The following LGMN variants were observed in gnomAD, a reference collection of about 807,000 sequenced individuals.
The protein encoded by LGMN is asparaginyl endopeptidase.
Under a neutral mutation model 56.8 loss-of-function variants are expected in LGMN, and 36 were observed. The observed-to-expected ratio is 0.63, with a 90% CI of 0.49 to 0.84. LGMN has a LOEUF of 0.84. Ranked by LOEUF, LGMN falls within the 40% of genes least tolerant of loss-of-function variation. LGMN has a pLI of 0.00. For missense variants in LGMN, 446 were observed against 556.1 expected, an observed-to-expected ratio of 0.80 and a Z score of 1.99; for synonymous variants, 199 against 210.1, an observed-to-expected ratio of 0.95 and a Z score of 0.46.
In LGMN at chr14:92,744,278, G is replaced by T. The variant is rs138521181; in HGVS notation, c.-30+4211C>A. Among the ~76,000 whole-genome samples the T allele has an allele frequency of 7.2e-5, 11 of 152,266 alleles. No individual in the cohort carries two copies. In the East Asian group the frequency reaches 2.1e-3, roughly 29 times the overall value. Reference sequence around the variant, plus strand: ...TCTAGATTAGAGCATACTCTTCACGGTTATCTAATTCTAATTTATAGGAGT... The same window carrying T: ...TCTAGATTAGAGCATACTCTTCACGTTTATCTAATTCTAATTTATAGGAGT... On this transcript the variant is annotated intron_variant, in intron 1 of 13. Transcript: ENST00000334869.
At chr14:92,713,975 ACT>A (rs1289835719) in intron 6 of LGMN, 90 bp from the exon 7 acceptor site, 8 of 937,178 alleles carry the variant, frequency 8.5e-6, no homozygotes, top group Non-Finnish European at 8.8e-6. Flanking sequence ...TCCTTCATAA[ACT>A]CTTTTCTACC....
chr14:92,714,923 A>C lies in LGMN; in HGVS notation c.405-472T>G, dbSNP rs1201595909. ...GCTTCCACCAGATGGCGCTGCTTCAAAGTGGCAGAGATGTAGTAACTTACA... is the reference window on the plus strand; with the variant it reads ...GCTTCCACCAGATGGCGCTGCTTCACAGTGGCAGAGATGTAGTAACTTACA... On this transcript the variant is annotated intron_variant, in intron 5 of 13. Transcript: ENST00000334869. This position sits in a 1 kb window ranked among gnomAD's most constrained non-coding sequence, Gnocchi z 5.1. 1.3e-5 allele frequency among the ~76,000 whole-genome samples: 2 copies of C among 152,104 alleles called. No individual in the cohort carries two copies. Among genetic ancestry groups the C allele is most frequent in the Non-Finnish European group, 1.5e-5 (1 of 68,022 alleles).
intron 1 of LGMN, among the ~76,000 whole-genome samples, chr14:92,739,291 CAAA>C (rs1430402405): frequency 6.6e-6 from 1 of 152,062 alleles, no homozygotes; most frequent in African/African-American, 2.4e-5. Flanking sequence ...GAAAAACTGA[CAAA>C]AAAGTGAACG....
In LGMN at chr14:92,735,364, G is replaced by A. The variant is rs562581994; in HGVS notation, c.-29-2549C>T. On this transcript the variant is annotated intron_variant, in intron 1 of 13. Transcript: ENST00000334869. ...TGAGATTACAGGTGCCCACCACCATGCCCAGCTAATTTTTGTATTTTTAGT... is the reference window on the plus strand; with the variant it reads ...TGAGATTACAGGTGCCCACCACCATACCCAGCTAATTTTTGTATTTTTAGT... 3.0e-3 allele frequency among the ~76,000 whole-genome samples: 452 copies of A among 152,224 alleles called. 3 individuals are homozygous for A. The highest frequency in any genetic ancestry group is 0.01 in the African/African-American group (435 of 41,530).
At chr14:92,718,436 T>C (rs1477169174) in intron 3 of LGMN, among the ~76,000 whole-genome samples, 1 of 152,170 alleles carries the variant, frequency 6.6e-6, no homozygotes, top group Non-Finnish European at 1.5e-5. Flanking sequence ...TAGCTGGGCA[T>C]GGCAGTGCAC....
intron 1 of LGMN, among the ~76,000 whole-genome samples, chr14:92,737,781 A>G (rs1220942874): frequency 6.6e-6 from 1 of 152,254 alleles, no homozygotes. Flanking sequence ...GACAATATAT[A>G]AACAAAAGAA....
At chr14:92,723,493 C>CAA (rs1890587457) in intron 2 of LGMN, among the ~76,000 whole-genome samples, 1 of 152,180 alleles carries the variant, frequency 6.6e-6, no homozygotes, top group African/African-American at 2.4e-5. Flanking sequence ...AATGGGCAGG[C>CAA]AAAACGTGGT....
chr14:92,713,331 C>T (rs1342910962), intron 7 of LGMN, among the ~76,000 whole-genome samples: 1 of 152,120 alleles, frequency 6.6e-6, no homozygotes, highest in African/African-American at 2.4e-5. Context: ...CTTCCCGCCT[C>T]AGCCTCCTAA....
Position 92,723,745 on chromosome 14 carries a change from T to A in LGMN, c.139-4901A>T, listed in dbSNP as rs1890606554. Among the ~76,000 whole-genome samples, 2 of 152,180 alleles carry A rather than the reference T, an allele frequency of 1.3e-5. 1 individual carries two copies. Among genetic ancestry groups the A allele is most frequent in the Admixed American group, 1.3e-4 (2 of 15,278 alleles). On this transcript the variant is annotated intron_variant, in intron 2 of 13. Coordinates refer to ENST00000334869, the MANE Select transcript of LGMN (RefSeq NM_005606.7). ...TGCAAATATGCCCAAACAACTTTTT[T>A]TTTTTTGAGTCAGTCTTGCTCTGTT...
intron 2 of LGMN, among the ~76,000 whole-genome samples, chr14:92,724,522 T>TA (rs1890650391): frequency 6.6e-6 from 1 of 152,254 alleles, no homozygotes; most frequent in African/African-American, 2.4e-5. Flanking sequence ...AAAATGGTGT[T>TA]ACTGACTACT....
chr14:92,729,432 A>G (rs1024244266), intron 2 of LGMN, among the ~76,000 whole-genome samples: 1 of 135,318 alleles, frequency 7.4e-6, no homozygotes, highest in Non-Finnish European at 1.5e-5. Context: ...TCAGGACACA[A>G]TGCAGAATGT....
chr14:92,726,697 G>A (rs1278837522), intron 2 of LGMN, among the ~76,000 whole-genome samples: 2 of 152,180 alleles, frequency 1.3e-5, no homozygotes, highest in Non-Finnish European at 2.9e-5. Flanking sequence ...CTACCTTGCC[G>A]GTCTCCTTCT....
intron 12 of LGMN, 35 bp downstream of exon 12, chr14:92,706,448 T>C: frequency 6.9e-7 from 1 of 1,452,958 alleles, no homozygotes; most frequent in Non-Finnish European, 9.2e-7. Flanking sequence ...ATTCAGCTTC[T>C]GGATTCTGGT....
intron 2 of LGMN, among the ~76,000 whole-genome samples, chr14:92,722,348 GC>G (rs1486963751): frequency 4.6e-5 from 7 of 152,190 alleles, no homozygotes; most frequent in Admixed American, 4.6e-4. Flanking sequence ...AGGGATCCCA[GC>G]ACTTTGGGAT....
intron 2 of LGMN, among the ~76,000 whole-genome samples, chr14:92,720,189 AT>A (rs1413041145): frequency 3.9e-5 from 6 of 152,346 alleles, no homozygotes; most frequent in Middle Eastern, 3.4e-3. Flanking sequence ...ATAGGAAAAC[AT>A]TTTTATTGAC....
rs961203460 is a variant in LGMN at position 92,714,324 on chromosome 14, G to C, written c.480+52C>G. 7 of 1,268,546 alleles carry C rather than the reference G, an allele frequency of 5.5e-6. No homozygotes were observed. The Admixed American group carries it at 7.0e-5, about 13-fold the overall frequency. 78.6% of individuals were successfully genotyped at this position (1,268,546 alleles called of 1,614,324 possible). On this transcript the variant is annotated intron_variant, in intron 6 of 13. Transcript: ENST00000334869. The surrounding 1 kb of genome is among the most constrained non-coding windows in gnomAD (Gnocchi z 5.1). The stretch of plus-strand genomic sequence containing the variant: ...GCTATGGGTTTAATCTCGACACCTA[G>C]GCTTGCTTTTCTGTTCTGCTAGTTT...
rs202013232 is a variant in LGMN, at chr14:92,706,601, G to A, written c.1073C>T (p.Ala358Val). Residue 358 changes from alanine (A) to valine (V), a missense_variant, in exon 12 of 14, where the codon GCG becomes GTG. Transcript: ENST00000334869. ...SVRKIVSLLA[A>V]SEAEVEQLLS... is the part of the protein sequence containing the mutation. ...GAGCTGCTCCACCTCAGCCTCGGAC[G>A]CTGCCAGCAAGGAGACGATCTTACG... 2.8e-5 allele frequency: 45 copies of A among 1,601,546 alleles called. No individual in the cohort carries two copies. The highest frequency in any genetic ancestry group is 1.7e-4 in the Middle Eastern group (1 of 6,002).
At position 92,711,685 on chromosome 14, in the gene LGMN, TG is replaced by T; in HGVS notation, c.792del (p.Ser265AlafsTer14). Reference protein sequence around the residue: ...QYHLVKSHTNTSHVMQYGNKT... With the variant: ...QYHLVKSHTNXSHVMQYGNKT... Reference sequence around the variant, plus strand: ...TTGTTTCCATACTGCATGACGTGGCTGGTGTTGGTGTGCGATTTTACCAGGT... The same window carrying T: ...TTGTTTCCATACTGCATGACGTGGCTGTGTTGGTGTGCGATTTTACCAGGT... On this transcript the variant is annotated frameshift_variant, in exon 10 of 14. Transcript: ENST00000334869. LOFTEE classifies it high-confidence loss of function. The T allele has an allele frequency of 6.2e-7, 1 of 1,614,260 alleles. No individual in the cohort carries two copies. Among genetic ancestry groups the T allele is most frequent in the Non-Finnish European group, 8.5e-7 (1 of 1,180,044 alleles).
chr14:92,740,602 C>T (rs1213490222), intron 1 of LGMN, among the ~76,000 whole-genome samples: 1 of 152,218 alleles, frequency 6.6e-6, no homozygotes, highest in African/African-American at 2.4e-5. Context: ...CTGCACCCTG[C>T]ACCCCAGGGC....
Sources: gnomAD v4.1 joint callset for allele counts (sites outside exome capture counted in the v4.1 genomes callset) on GRCh38, gnomAD v4.1.1 for gene constraint, Gnocchi (gnomAD v3.1) non-coding constraint, MANE v1.5 for transcripts, NCBI Gene and HGNC (gene_info 2026-07-23, HGNC 2026-07-21) for gene names.